Variants in WWTR1 observed in about 807,000 individuals in gnomAD.
WWTR1 encodes WW domain containing transcription regulator 1, also known as WW domain-containing transcription regulator protein 1.
WWTR1 carries 13 observed loss-of-function variants against 40.1 expected under a neutral mutation model. The observed-to-expected ratio is 0.32, with a 90% confidence interval of 0.21 to 0.52. WWTR1 has a LOEUF of 0.52. Ranked by LOEUF, WWTR1 falls within the 20% of genes least tolerant of loss-of-function variation. The pLI, the probability that WWTR1 is intolerant of heterozygous loss-of-function variation, is 0.97. For synonymous variants in WWTR1, 230 were observed against 210.1 expected, an observed-to-expected ratio of 1.09 and a Z score of -0.82; for missense variants, 436 against 523.1, an observed-to-expected ratio of 0.83 and a Z score of 1.63.
chr3:149,691,742 C>T (rs567677277), intron 1 of WWTR1, among the ~76,000 whole-genome samples: 46 of 152,204 alleles, frequency 3.0e-4, no homozygotes, highest in Middle Eastern at 3.4e-3. Context: ...GAAGGCCGGG[C>T]GCGGTGGCTC....
At chr3:149,674,572 G>C (rs1195087620) in intron 1 of WWTR1, among the ~76,000 whole-genome samples, 1 of 151,718 alleles carries the variant, frequency 6.6e-6, no homozygotes, top group Non-Finnish European at 1.5e-5. Flanking sequence ...GGGTGACAGA[G>C]AGAGATTCCA....
At chr3:149,527,591 T>A (rs1417169532) in intron 5 of WWTR1, among the ~76,000 whole-genome samples, 1 of 152,234 alleles carries the variant, frequency 6.6e-6, no homozygotes, top group East Asian at 1.9e-4. Context: ...CATGCCCATT[T>A]TCAAATTCTT....
intron 2 of WWTR1, among the ~76,000 whole-genome samples, chr3:149,654,784 T>C (rs1219635458): frequency 2.6e-5 from 4 of 152,226 alleles, no homozygotes; most frequent in Admixed American, 6.5e-5. Context: ...ACTGATCATA[T>C]ACCATACGTA....
At position 149,582,254 on chromosome 3, in the gene WWTR1, A is replaced by AT. The variant is rs574391227; in HGVS notation, c.432-9255dup. On this transcript the variant is annotated intron_variant, in intron 2 of 6. Transcript: ENST00000360632. Reference sequence around the variant, plus strand: ...CTGAGCAAAATTCTTGCTTAACCTCATTTTTCCTATTTTGTGAAAACATAA... The same window carrying AT: ...CTGAGCAAAATTCTTGCTTAACCTCATTTTTTCCTATTTTGTGAAAACATAA... 1.9e-3 allele frequency among the ~76,000 whole-genome samples: 285 copies of AT among 148,068 alleles called. 2 individuals are homozygous for AT. Among genetic ancestry groups the AT allele is most frequent in the Middle Eastern group, 6.9e-3 (2 of 290 alleles).
intron 2 of WWTR1, among the ~76,000 whole-genome samples, chr3:149,606,138 G>A (rs563881178): frequency 2.0e-4 from 30 of 152,296 alleles, no homozygotes; most frequent in Admixed American, 1.6e-3. Context: ...ACATCTGCTG[G>A]TGTCTTGATC....
intron 3 of WWTR1, among the ~76,000 whole-genome samples, chr3:149,547,240 A>AG (rs1225382227): frequency 1.3e-5 from 2 of 150,842 alleles, no homozygotes; most frequent in African/African-American, 2.4e-5. Context: ...AAAAAAAAAA[A>AG]AGAGCTAGGC....
intron 4 of WWTR1, among the ~76,000 whole-genome samples, chr3:149,537,193 G>T (rs1186268156): frequency 6.6e-6 from 1 of 152,162 alleles, no homozygotes; most frequent in African/African-American, 2.4e-5. Flanking sequence ...GTCATTGTGG[G>T]TGTGTGTGGC....
rs1028497292 is a variant in WWTR1, at chr3:149,691,361, C to A, written c.-108+11763G>T. On this transcript the variant is annotated intron_variant, in intron 1 of 7. Transcript: ENST00000465804. ...AAATTTAAAAAACAATACAAAGGAA[C>A]AATAAAATGAAAATTTCTTTTTTTT... Among the ~76,000 whole-genome samples the A allele has an allele frequency of 1.4e-4, 21 of 149,302 alleles. 1 individual carries two copies. Among genetic ancestry groups the A allele is most frequent in the South Asian group, 1.1e-3 (5 of 4,752 alleles).
intron 3 of WWTR1, among the ~76,000 whole-genome samples, chr3:149,557,061 C>CTTTT (rs3044118): frequency 0.046 from 2,955 of 64,258 alleles, 591 homozygotes; most frequent in South Asian, 0.13. Context: ...CTGGAATCTT[C>CTTTT]TTTTTTTTTT....
chr3:149,701,523 G>C (rs1715171786), intron 1 of WWTR1: 1 of 182,280 alleles, frequency 5.5e-6, no homozygotes, highest in African/African-American at 2.3e-5. Context: ...GTGGAAACTG[G>C]AGGGCAGTGT....
At chr3:149,705,833 G>A (rs1306410481), upstream of WWTR1, among the ~76,000 whole-genome samples, 3 of 152,102 alleles carry the variant, frequency 2.0e-5, no homozygotes, top group African/African-American at 4.8e-5. Flanking sequence ...CATATAATTG[G>A]GTAAGAGGAG....
chr3:149,524,327 G>GTTTTT lies in WWTR1; in HGVS notation c.1018+1681_1018+1685dup, dbSNP rs3044124. Reference sequence around the variant, plus strand: ...AGAGTAGAATCCATCCTCTTTTATGGTTTTTTTTTTTTTTTTTTGAATGTC... The same window carrying GTTTTT: ...AGAGTAGAATCCATCCTCTTTTATGGTTTTTTTTTTTTTTTTTTTTTTTGAATGTC... On this transcript the variant is annotated intron_variant, in intron 6 of 6. Transcript: ENST00000360632. 1.9e-3 allele frequency among the ~76,000 whole-genome samples: 270 copies of GTTTTT among 139,256 alleles called. 6 individuals carry two copies. Among genetic ancestry groups the GTTTTT allele is most frequent in the Middle Eastern group, 3.8e-3 (1 of 264 alleles). 91.4% of individuals were successfully genotyped at this position (139,256 alleles called of 152,430 possible).
chr3:149,625,156 C>G (rs1216617022), intron 2 of WWTR1, among the ~76,000 whole-genome samples: 3 of 125,244 alleles, frequency 2.4e-5, no homozygotes, highest in African/African-American at 9.3e-5. Context: ...GAGTCTCGCT[C>G]TGTTGCCCAG....
chr3:149,674,803 T>TCACAGCTAATACA (rs777829054), intron 1 of WWTR1, among the ~76,000 whole-genome samples: 1 of 144,634 alleles, frequency 6.9e-6, no homozygotes, highest in African/African-American at 2.5e-5. Flanking sequence ...CTAGTCTAGC[T>TCACAGCTAATACA]CTTGGTGCTA....
At chr3:149,709,877 C>G (rs1715434678) in intron 5 of WWTR1, among the ~76,000 whole-genome samples, 1 of 152,024 alleles carries the variant, frequency 6.6e-6, no homozygotes, top group Non-Finnish European at 1.5e-5. Context: ...GCACTCCAGC[C>G]TGGGCAACAA....
chr3:149,706,929 G>A (rs530812139), upstream of WWTR1, among the ~76,000 whole-genome samples: 7 of 152,196 alleles, frequency 4.6e-5, no homozygotes, highest in East Asian at 9.6e-4. Flanking sequence ...AAGGTTTTGC[G>A]CAAGACTTTT....
intron 1 of WWTR1, among the ~76,000 whole-genome samples, chr3:149,688,936 T>C (rs1033761245): frequency 1.3e-5 from 2 of 152,160 alleles, no homozygotes; most frequent in Non-Finnish European, 2.9e-5. Context: ...TAGATAAGTT[T>C]AACAGAAATT....
chr3:149,581,009 A>G (rs1169836204), intron 2 of WWTR1, among the ~76,000 whole-genome samples: 1 of 152,214 alleles, frequency 6.6e-6, no homozygotes, highest in African/African-American at 2.4e-5. Flanking sequence ...GAACTTCGAT[A>G]TGTTGACAAT....
chr3:149,538,740 T>C (rs1230260424), intron 4 of WWTR1, among the ~76,000 whole-genome samples: 1 of 152,242 alleles, frequency 6.6e-6, no homozygotes, highest in Non-Finnish European at 1.5e-5. Flanking sequence ...CTCAGGTGCA[T>C]CTGGTCTCAG....
Sources: allele counts gnomAD v4.1 joint callset (sites outside exome capture counted in the v4.1 genomes callset), GRCh38; gene constraint gnomAD v4.1.1; transcripts MANE v1.5; gene names NCBI Gene and HGNC (gene_info 2026-07-23, HGNC 2026-07-21).